Variants in NRXN3 observed in about 807,000 individuals in gnomAD.
The protein encoded by NRXN3 is neurexin 3.
Under a neutral mutation model 137.6 loss-of-function variants are expected in NRXN3, and 32 were observed. The ratio of observed to expected loss-of-function variants is 0.23; its 90% CI spans 0.18 to 0.31. The LOEUF (loss-of-function observed/expected upper bound fraction) is 0.31, where lower values mean the gene tolerates loss of function less well. Among genes scored for constraint, NRXN3 ranks in the 10% least tolerant of loss-of-function variants. NRXN3 has a pLI of 1.00. For missense variants in NRXN3, 1,574 were observed against 2,062.5 expected (o/e 0.76, Z 4.59); for synonymous variants, 798 against 784.5 (o/e 1.02, Z -0.29).
At chr14:79,489,647 A>C (rs2153654226) in intron 16 of NRXN3, among the ~76,000 whole-genome samples, 1 of 152,296 alleles carries the variant, frequency 6.6e-6, no homozygotes, top group Non-Finnish European at 1.5e-5. Context: ...ATTGATCACA[A>C]ATGTGAACAT....
intron 16 of NRXN3, among the ~76,000 whole-genome samples, chr14:79,560,212 TC>T (rs1454965621): frequency 2.6e-5 from 4 of 152,142 alleles, no homozygotes; most frequent in African/African-American, 9.7e-5. Flanking sequence ...TCTGTAATAT[TC>T]CTTTCTACAG....
intron 19 of NRXN3, among the ~76,000 whole-genome samples, chr14:79,752,320 C>T (rs902285515): frequency 3.3e-5 from 5 of 151,948 alleles, no homozygotes; most frequent in Non-Finnish European, 7.4e-5. Flanking sequence ...GCAGCCTATA[C>T]TACAAGGCTA....
chr14:79,015,690 T>G (rs1459226164), intron 15 of NRXN3, among the ~76,000 whole-genome samples: 2 of 152,150 alleles, frequency 1.3e-5, no homozygotes, highest in Admixed American at 6.5e-5. Flanking sequence ...AGAATGACAC[T>G]TGAAATTATG....
chr14:78,698,292 T>A (rs2098246851), intron 6 of NRXN3: 1 of 152,094 alleles, frequency 6.6e-6, no homozygotes, highest in Admixed American at 6.6e-5. Context: ...TCTTAAAGGT[T>A]CTATTTCATT....
chr14:78,864,816 G>A (rs190110696), intron 10 of NRXN3, among the ~76,000 whole-genome samples: 1 of 152,208 alleles, frequency 6.6e-6, no homozygotes, highest in East Asian at 1.9e-4. Flanking sequence ...AATAAGCTGG[G>A]GGAAACTTAG....
Position 78,875,694 on chromosome 14 carries a change from G to GT in NRXN3, c.2275+65357dup, listed in dbSNP as rs564439815. 1.6e-3 allele frequency among the ~76,000 whole-genome samples: 236 copies of GT among 152,162 alleles called. 1 individual carries two copies. Among genetic ancestry groups the GT allele is most frequent in the Middle Eastern group, 6.8e-3 (2 of 294 alleles). ...ATGTGTTTTATTTTAAATACACAGT[G>GT]TTTTTTTCTGAAAATGCTTTCTCAA... On this transcript the variant is annotated intron_variant, in intron 10 of 20. Transcript: ENST00000335750.
intron 4 of NRXN3, among the ~76,000 whole-genome samples, chr14:78,465,523 G>T (rs966789819): frequency 2.8e-4 from 43 of 152,094 alleles, no homozygotes; most frequent in African/African-American, 1.0e-3. Flanking sequence ...AAGGTTTTTT[G>T]TTTGTTTGTT....
chr14:79,402,214 G>A (rs1396719683), intron 15 of NRXN3, among the ~76,000 whole-genome samples: 1 of 152,156 alleles, frequency 6.6e-6, no homozygotes, highest in Non-Finnish European at 1.5e-5. Context: ...GGGATTACAG[G>A]CGTGAGCCAC....
intron 13 of NRXN3, among the ~76,000 whole-genome samples, chr14:78,967,770 T>G (rs550531951): frequency 3.3e-5 from 5 of 152,248 alleles, no homozygotes; most frequent in Middle Eastern, 3.4e-3. Flanking sequence ...CAGCTTACAT[T>G]TACTTTTCTT....
intron 10 of NRXN3, among the ~76,000 whole-genome samples, chr14:78,848,935 G>A (rs570286237): frequency 4.6e-5 from 7 of 152,196 alleles, no homozygotes; most frequent in African/African-American, 1.2e-4. Flanking sequence ...AAATATAGGG[G>A]CCACGGGAGC....
At chr14:78,849,822 G>A (rs2099037757) in intron 10 of NRXN3, among the ~76,000 whole-genome samples, 1 of 152,112 alleles carries the variant, frequency 6.6e-6, no homozygotes, top group Admixed American at 6.6e-5. Flanking sequence ...CAGCCTGAAT[G>A]AGAAAGGAGG....
At chr14:79,415,019 T>A (rs970066730) in intron 15 of NRXN3, among the ~76,000 whole-genome samples, 9 of 152,112 alleles carry the variant, frequency 5.9e-5, no homozygotes, top group African/African-American at 2.2e-4. Context: ...TTATCCATGT[T>A]TTTGCAAATA....
At chr14:78,563,648 T>G (rs1465993472) in intron 4 of NRXN3, among the ~76,000 whole-genome samples, 1 of 152,222 alleles carries the variant, frequency 6.6e-6, no homozygotes, top group African/African-American at 2.4e-5. Flanking sequence ...CACTGACAGA[T>G]CTCTTCCTTT....
intron 15 of NRXN3, among the ~76,000 whole-genome samples, chr14:79,168,187 C>A (rs924131465): frequency 6.6e-6 from 1 of 151,962 alleles, no homozygotes; most frequent in Non-Finnish European, 1.5e-5. Flanking sequence ...ATCAATCCCA[C>A]GTTGGGGAAG....
intron 4 of NRXN3, among the ~76,000 whole-genome samples, chr14:78,504,995 A>C (rs1194348663): frequency 3.9e-5 from 6 of 152,144 alleles, no homozygotes; most frequent in Non-Finnish European, 8.8e-5. Context: ...CTTTGCCCTA[A>C]GGTTACACAA....
At chr14:79,102,968 T>G (rs1411377432) in intron 15 of NRXN3, among the ~76,000 whole-genome samples, 2 of 152,178 alleles carry the variant, frequency 1.3e-5, no homozygotes, top group Non-Finnish European at 2.9e-5. Context: ...CATTGTCTTG[T>G]CAGGTCTGAG....
chr14:78,779,838 TA>T (rs1399422358), intron 8 of NRXN3, among the ~76,000 whole-genome samples: 2 of 152,230 alleles, frequency 1.3e-5, no homozygotes, highest in African/African-American at 4.8e-5. Flanking sequence ...ACATTGACCA[TA>T]TTTATGTATG....
rs770129004 is a variant in NRXN3 at position 78,774,968 on chromosome 14, T to C, written c.2045-28652T>C. Among the ~76,000 whole-genome samples, 3 of 152,048 alleles carry C rather than the reference T, an allele frequency of 2.0e-5. 1 individual carries two copies. Among genetic ancestry groups the C allele is most frequent in the Middle Eastern group, 6.3e-3 (2 of 316 alleles). ...TAGAGGTTAAATAACTCATGGGTAA[T>C]GAGTGGCCAAGCTTAGATTTTAACT... On this transcript the variant is annotated intron_variant, in intron 8 of 20. Transcript: ENST00000335750.
intron 4 of NRXN3, among the ~76,000 whole-genome samples, chr14:78,454,337 A>G (rs8013226): frequency 0.062 from 9,379 of 151,948 alleles, 377 homozygotes; most frequent in African/African-American, 0.13. Flanking sequence ...ATTCCCAGGC[A>G]TTTTGATTTA....
Sources: gnomAD v4.1 joint callset for allele counts (sites outside exome capture counted in the v4.1 genomes callset) on GRCh38, gnomAD v4.1.1 for gene constraint, MANE v1.5 for transcripts, NCBI Gene and HGNC (gene_info 2026-07-23, HGNC 2026-07-21) for gene names.